Variants in SHANK2 observed in about 807,000 individuals in gnomAD.
SHANK2 encodes SH3 and multiple ankyrin repeat domains protein 2.
In SHANK2, 43 loss-of-function variants were observed where a neutral mutation model predicts 133.7. The ratio of observed to expected loss-of-function variants is 0.32; its 90% CI spans 0.25 to 0.41. SHANK2 has a LOEUF of 0.41. SHANK2 is among the 10% of genes least tolerant of loss of function. SHANK2 has a pLI of 1.00. For missense variants in SHANK2, 1,994 were observed against 2,235.8 expected, an observed-to-expected ratio of 0.89 and a Z score of 2.18; for synonymous variants, 1,017 against 952.8, an observed-to-expected ratio of 1.07 and a Z score of -1.24.
At chr11:70,879,438 T>A (rs1949622348) in intron 11 of SHANK2, among the ~76,000 whole-genome samples, 1 of 152,084 alleles carries the variant, frequency 6.6e-6, no homozygotes, top group African/African-American at 2.4e-5. Context: ...CAAAAGAGGG[T>A]CTCAAATGCA....
chr11:71,116,476 G>T (rs1221798131), intron 4 of SHANK2, among the ~76,000 whole-genome samples: 1 of 152,236 alleles, frequency 6.6e-6, no homozygotes, highest in East Asian at 1.9e-4. Context: ...GTGTAGGGCT[G>T]CCCCGTCTTA....
At chr11:70,671,383 C>A (rs1781223710) in intron 15 of SHANK2, among the ~76,000 whole-genome samples, 1 of 152,206 alleles carries the variant, frequency 6.6e-6, no homozygotes, top group African/African-American at 2.4e-5. Context: ...AGTTCCTCAA[C>A]CTCGTCGAGC....
chr11:70,719,773 C>T (rs190144068), intron 14 of SHANK2, among the ~76,000 whole-genome samples: 27 of 150,962 alleles, frequency 1.8e-4, no homozygotes, highest in East Asian at 1.9e-4. Context: ...GCATTTGACA[C>T]GGCAGCACAC....
intron 17 of SHANK2, among the ~76,000 whole-genome samples, chr11:70,522,195 G>A (rs2059338754): frequency 6.6e-6 from 1 of 152,206 alleles, no homozygotes; most frequent in Non-Finnish European, 1.5e-5. Flanking sequence ...TCCACTTGCT[G>A]TGCAGCCGCC....
chr11:70,594,170 A>G (rs1310797684), intron 17 of SHANK2, among the ~76,000 whole-genome samples: 1 of 152,240 alleles, frequency 6.6e-6, no homozygotes, highest in Admixed American at 6.5e-5. Context: ...GAATGAGTCA[A>G]CAGTTGTGGT....
chr11:70,928,150 C>T (rs1342074667), intron 10 of SHANK2, among the ~76,000 whole-genome samples: 2 of 152,030 alleles, frequency 1.3e-5, no homozygotes, highest in African/African-American at 2.4e-5. Flanking sequence ...CAAGGCCTGT[C>T]GACACCACAA....
At chr11:70,777,244 C>T (rs1331545091) in intron 14 of SHANK2, among the ~76,000 whole-genome samples, 1 of 152,024 alleles carries the variant, frequency 6.6e-6, no homozygotes, top group Non-Finnish European at 1.5e-5. Flanking sequence ...GCTACCCATC[C>T]ATTCATCCAC....
intron 6 of SHANK2, among the ~76,000 whole-genome samples, chr11:71,103,050 G>T (rs189067316): frequency 1.1e-3 from 170 of 152,304 alleles, no homozygotes; most frequent in Non-Finnish European, 1.9e-4. Context: ...TTTTGTAAGG[G>T]CACTAATCCC....
chr11:71,240,134 C>T lies in SHANK2; in HGVS notation c.-113+12291G>A, dbSNP rs373651672. 1.4e-4 allele frequency among the ~76,000 whole-genome samples: 22 copies of T among 152,286 alleles called. No individual in the cohort carries two copies. In the East Asian group the frequency reaches 2.7e-3, roughly 19 times the overall value. On this transcript the variant is annotated intron_variant, in intron 1 of 25. Coordinates refer to ENST00000601538, the MANE Select transcript of SHANK2 (RefSeq NM_012309.5). Reference sequence around the variant, plus strand: ...GGCTTGGTCTACAAAGAGCCTGCCACGGGGTACTTGGAGGCTTGTCAGGAT... The same window carrying T: ...GGCTTGGTCTACAAAGAGCCTGCCATGGGGTACTTGGAGGCTTGTCAGGAT...
At chr11:70,502,731 G>GCCC (rs1317204850) in intron 18 of SHANK2, 65 bp downstream of exon 18, 123 of 700,448 alleles carry the variant, frequency 1.8e-4, no homozygotes, top group South Asian at 3.7e-4. Context: ...CAGCTGTCCT[G>GCCC]CCCGCCCCCA....
intron 17 of SHANK2, among the ~76,000 whole-genome samples, chr11:70,626,385 A>G (rs182168381): frequency 3.7e-4 from 56 of 152,352 alleles, no homozygotes; most frequent in Non-Finnish European, 7.4e-4. Flanking sequence ...GCAGGGAGAC[A>G]CCAGGGAAAA....
At chr11:71,075,520 G>C (rs1951207392) in intron 8 of SHANK2, among the ~76,000 whole-genome samples, 1 of 152,186 alleles carries the variant, frequency 6.6e-6, no homozygotes, top group African/African-American at 2.4e-5. Context: ...CTGGTGCTCA[G>C]TTGTGAGACA....
At position 70,645,477 on chromosome 11, in the gene SHANK2, C is replaced by T. The variant is rs148072627; in HGVS notation, c.2061+14351G>A. Among the ~76,000 whole-genome samples the T allele has an allele frequency of 8.0e-3, 1,219 of 152,234 alleles. 14 individuals carry two copies. Among genetic ancestry groups the T allele is most frequent in the African/African-American group, 0.028 (1,145 of 41,532 alleles). On this transcript the variant is annotated intron_variant, in intron 17 of 25. Transcript: ENST00000601538. ...AGTCCACTGTAATCAGAAGGCTCAT[C>T]GAAAAACACTCTGGAAAAATTAACT...
chr11:70,503,738 G>A (rs1591513422), intron 17 of SHANK2, among the ~76,000 whole-genome samples: 1 of 152,196 alleles, frequency 6.6e-6, no homozygotes, highest in South Asian at 2.1e-4. Context: ...CCATCCCCCT[G>A]GCCCCTCTGC....
intron 11 of SHANK2, among the ~76,000 whole-genome samples, chr11:70,843,142 G>A (rs1439636430): frequency 1.3e-5 from 2 of 152,018 alleles, no homozygotes; most frequent in East Asian, 3.9e-4. Flanking sequence ...AGGTCATGGG[G>A]TCAGGGAGCA....
chr11:70,702,221 CATT>C (rs1447359434), intron 14 of SHANK2, among the ~76,000 whole-genome samples: 106 of 151,806 alleles, frequency 7.0e-4, no homozygotes, highest in Admixed American at 5.1e-3. Flanking sequence ...TCATCATCAT[CATT>C]ACCACCACCA....
chr11:70,848,909 G>C (rs1305965131), intron 11 of SHANK2, among the ~76,000 whole-genome samples: 5 of 152,162 alleles, frequency 3.3e-5, no homozygotes, highest in African/African-American at 1.2e-4. Context: ...CATGATGCTG[G>C]GAGACAAATT....
chr11:70,566,829 C>T (rs560115654), intron 17 of SHANK2, among the ~76,000 whole-genome samples: 7 of 152,190 alleles, frequency 4.6e-5, no homozygotes, highest in Admixed American at 1.3e-4. Flanking sequence ...ATTTCCTGTT[C>T]AGAGACCTTT....
intron 17 of SHANK2, among the ~76,000 whole-genome samples, chr11:70,558,105 G>T (rs1178632666): frequency 6.6e-6 from 1 of 152,174 alleles, no homozygotes; most frequent in Non-Finnish European, 1.5e-5. Flanking sequence ...CCGTGGCAGG[G>T]GTCCAGCTGC....
Sources: allele counts gnomAD v4.1 joint callset (sites outside exome capture counted in the v4.1 genomes callset), GRCh38; gene constraint gnomAD v4.1.1; transcripts MANE v1.5; gene names NCBI Gene and HGNC (gene_info 2026-07-23, HGNC 2026-07-21).